The following PRKCA variants were observed in gnomAD, a reference collection of about 807,000 sequenced individuals.
PRKCA encodes protein kinase C alpha type.
A neutral mutation model predicts 87.0 loss-of-function variants in PRKCA; 27 were observed. The ratio of observed to expected loss-of-function variants is 0.31; its 90% CI spans 0.23 to 0.43. The LOEUF is 0.43. PRKCA is among the 20% of genes least tolerant of loss of function. PRKCA has a pLI of 1.00. For missense variants in PRKCA, 518 were observed against 852.3 expected, an observed-to-expected ratio of 0.61 and a Z score of 4.88; for synonymous variants, 329 against 311.1, an observed-to-expected ratio of 1.06 and a Z score of -0.61.
chr17:66,772,645 C>T (rs942150369), intron 13 of PRKCA, among the ~76,000 whole-genome samples: 22 of 152,216 alleles, frequency 1.4e-4, no homozygotes, highest in African/African-American at 3.4e-4. Flanking sequence ...AGGTACACAG[C>T]GTACCTGAGA....
chr17:66,801,820 G>T (rs1975906688), intron 16 of PRKCA, among the ~76,000 whole-genome samples: 1 of 152,134 alleles, frequency 6.6e-6, no homozygotes, highest in African/African-American at 2.4e-5. Flanking sequence ...GGCAGCCCCT[G>T]CCTCTCATCC....
intron 5 of PRKCA, among the ~76,000 whole-genome samples, chr17:66,656,587 T>G (rs897149347): frequency 3.3e-5 from 5 of 152,176 alleles, no homozygotes; most frequent in Non-Finnish European, 1.5e-5. Context: ...AGCTTGCAAA[T>G]GATGTCTTTT....
At chr17:66,337,902 A>G (rs1302978439) in intron 2 of PRKCA, among the ~76,000 whole-genome samples, 2 of 152,014 alleles carry the variant, frequency 1.3e-5, no homozygotes, top group African/African-American at 2.4e-5. Flanking sequence ...GTGGCTTTCT[A>G]TAAGTCAAAA....
In PRKCA at chr17:66,633,241, T is replaced by C. The variant is rs143047040; in HGVS notation, c.289-8114T>C. On this transcript the variant is annotated intron_variant, in intron 3 of 16. Coordinates refer to ENST00000413366, the MANE Select transcript of PRKCA (RefSeq NM_002737.3). ...CATGCAACCACCCTGATCATATGAC[T>C]TGGTTTTGGTAATCCTCTCATGTTA... Among the ~76,000 whole-genome samples, 831 of 152,246 alleles carry C rather than the reference T, an allele frequency of 5.5e-3. 12 individuals carry two copies. The highest frequency in any genetic ancestry group is 0.017 in the African/African-American group (719 of 41,532).
At chr17:66,720,840 G>T (rs1216209461) in intron 8 of PRKCA, among the ~76,000 whole-genome samples, 1 of 152,210 alleles carries the variant, frequency 6.6e-6, no homozygotes, top group African/African-American at 2.4e-5. Flanking sequence ...AGCTTCTGTT[G>T]TCATCTCTCC....
intron 2 of PRKCA, among the ~76,000 whole-genome samples, chr17:66,391,191 G>C (rs1235255616): frequency 6.6e-6 from 1 of 152,180 alleles, no homozygotes; most frequent in Non-Finnish European, 1.5e-5. Context: ...CGTCCCTACT[G>C]TTTTTGCTTG....
At chr17:66,638,112 AT>A (rs1760213308) in intron 3 of PRKCA, among the ~76,000 whole-genome samples, 1 of 84,062 alleles carries the variant, frequency 1.2e-5, no homozygotes. Flanking sequence ...TTTCTAAAAT[AT>A]ATATATATAT....
chr17:66,431,996 T>A (rs1913123900), intron 2 of PRKCA, among the ~76,000 whole-genome samples: 1 of 152,182 alleles, frequency 6.6e-6, no homozygotes, highest in Non-Finnish European at 1.5e-5. Flanking sequence ...GTTCCCTTTT[T>A]TTATCCTTAG....
At chr17:66,411,095 AG>A (rs1421098502) in intron 2 of PRKCA, among the ~76,000 whole-genome samples, 2 of 152,068 alleles carry the variant, frequency 1.3e-5, no homozygotes, top group East Asian at 3.9e-4. Context: ...TTTTGGGGAC[AG>A]GGTCTTGCCC....
At chr17:66,727,837 C>T (rs1973793849) in intron 8 of PRKCA, among the ~76,000 whole-genome samples, 1 of 152,146 alleles carries the variant, frequency 6.6e-6, no homozygotes, top group South Asian at 2.1e-4. Context: ...AAGCCTCGCG[C>T]TGCATCTGAT....
intron 2 of PRKCA, among the ~76,000 whole-genome samples, chr17:66,316,492 A>T (rs1490981833): frequency 6.6e-6 from 1 of 152,158 alleles, no homozygotes; most frequent in Non-Finnish European, 1.5e-5. Context: ...AAACTTGAAA[A>T]CTTTCTTAAA....
chr17:66,582,034 C>T (rs762822778), intron 3 of PRKCA, among the ~76,000 whole-genome samples: 3 of 152,146 alleles, frequency 2.0e-5, no homozygotes, highest in Admixed American at 6.5e-5. Context: ...TGAAGAGTCA[C>T]GGAGGATCCT....
At chr17:66,391,191 G>A (rs1235255616) in intron 2 of PRKCA, among the ~76,000 whole-genome samples, 1 of 152,180 alleles carries the variant, frequency 6.6e-6, no homozygotes. Context: ...CGTCCCTACT[G>A]TTTTTGCTTG....
At chr17:66,387,255 A>G (rs1345144341) in intron 2 of PRKCA, among the ~76,000 whole-genome samples, 1 of 152,206 alleles carries the variant, frequency 6.6e-6, no homozygotes, top group African/African-American at 2.4e-5. Context: ...GTCTTGAGCT[A>G]TGAATAATAT....
Position 66,796,811 on chromosome 17 carries a change from CTG to C in PRKCA, c.1855-7060_1855-7059del, listed in dbSNP as rs1007337071. ...GCGATGCGGTTGCTAAGGCGCTCCACTGTACCCCAGCACTGGGACCTGAATAC... is the reference window on the plus strand; with the variant it reads ...GCGATGCGGTTGCTAAGGCGCTCCACTACCCCAGCACTGGGACCTGAATAC... On this transcript the variant is annotated intron_variant, in intron 16 of 16. Transcript: ENST00000413366. The C allele has an allele frequency of 2.0e-5, 20 of 985,284 alleles. No homozygotes were observed. The African/African-American group carries it at 3.5e-4, about 17-fold the overall frequency. 61.0% of individuals were successfully genotyped at this position (985,284 alleles called of 1,614,324 possible).
intron 2 of PRKCA, among the ~76,000 whole-genome samples, chr17:66,425,355 C>T (rs965303177): frequency 2.0e-5 from 3 of 152,094 alleles, no homozygotes; most frequent in Admixed American, 1.3e-4. Flanking sequence ...CTCAGGCTTA[C>T]TGTCCTCACT....
intron 8 of PRKCA, among the ~76,000 whole-genome samples, chr17:66,699,118 G>A (rs1973001241): frequency 6.6e-6 from 1 of 150,954 alleles, no homozygotes; most frequent in Non-Finnish European, 1.5e-5. Flanking sequence ...AGGATGGCTT[G>A]AGCTCAGGAA....
Position 66,306,140 on chromosome 17 carries a change from T to G in PRKCA, c.205+13T>G, listed in dbSNP as rs751760119. 1.9e-6 allele frequency: 3 copies of G among 1,610,698 alleles called. No individual in the cohort carries two copies. Among genetic ancestry groups the G allele is most frequent in the Non-Finnish European group, 2.5e-6 (3 of 1,178,534 alleles). On this transcript the variant is annotated intron_variant, in intron 2 of 16. Coordinates refer to ENST00000413366, the MANE Select transcript of PRKCA (RefSeq NM_002737.3). ...TTCCAGTGCCAAGGTAAGCTACCAC[T>G]TTTGGTTTTATTTTCAAGCACAACA...
chr17:66,560,496 C>T (rs1237402127), intron 3 of PRKCA, among the ~76,000 whole-genome samples: 1 of 151,956 alleles, frequency 6.6e-6, no homozygotes, highest in Admixed American at 6.6e-5. Context: ...TTCCGAGTTG[C>T]GAAGTGGTGT....
Sources: gnomAD v4.1 joint callset for allele counts (sites outside exome capture counted in the v4.1 genomes callset) on GRCh38, gnomAD v4.1.1 for gene constraint, MANE v1.5 for transcripts, NCBI Gene and HGNC (gene_info 2026-07-23, HGNC 2026-07-21) for gene names.